Variants in TLE2 observed in about 807,000 individuals in gnomAD.
TLE2 encodes the protein TLE family member 2, transcriptional corepressor.
In TLE2, 74 loss-of-function variants were observed where a neutral mutation model predicts 97.2. The ratio of observed to expected loss-of-function variants is 0.76; its 90% CI spans 0.63 to 0.92. The LOEUF (loss-of-function observed/expected upper bound fraction) is 0.92. Among genes scored for constraint, TLE2 ranks in the 40% least tolerant of loss-of-function variants. The pLI is 0.00. For synonymous variants in TLE2, 499 were observed against 432.1 expected (o/e 1.15, Z -1.92); for missense variants, 1,038 against 1,008.7 (o/e 1.03, Z -0.39).
intron 19 of TLE2, 43 bp downstream of exon 19, chr19:3,000,604 G>A (rs988546040): frequency 2.0e-6 from 3 of 1,537,846 alleles, no homozygotes; most frequent in Non-Finnish European, 8.8e-7. Context: ...GCATACCCGG[G>A]CACATGGCCC....
chr19:3,024,538 C>T (rs1394820991), intron 5 of TLE2, among the ~76,000 whole-genome samples: 3 of 151,900 alleles, frequency 2.0e-5, no homozygotes, highest in Non-Finnish European at 4.4e-5. Flanking sequence ...GAGTGGATCA[C>T]CCAGTGTTTG....
chr19:3,025,155 A>AC, intron 4 of TLE2, 73 bp from the exon 5 acceptor site: 1 of 1,438,110 alleles, frequency 7.0e-7, no homozygotes. Flanking sequence ...TCCCAGGCGG[A>AC]CCAGGTGTTG....
chr19:3,033,277 C>T (rs1274560072), upstream of TLE2, among the ~76,000 whole-genome samples: 1 of 152,138 alleles, frequency 6.6e-6, no homozygotes, highest in African/African-American at 2.4e-5. Flanking sequence ...ACACCATTCT[C>T]CTGCCTCAGC....
chr19:3,045,755 A>G (rs1174689771), exon 1 of TLE2: 1 of 447,704 alleles, frequency 2.2e-6, no homozygotes, highest in Non-Finnish European at 4.5e-6. Flanking sequence ...GAATCTTGGG[A>G]GGCGGAGGTT....
intron 8 of TLE2, 50 bp from the exon 9 acceptor site, chr19:3,015,810 C>T (rs1186432095): frequency 7.2e-7 from 1 of 1,387,766 alleles, no homozygotes; most frequent in African/African-American, 1.4e-5. Flanking sequence ...CCCTGGGCTC[C>T]TAGATTGCAT....
chr19:3,013,228 GA>G (rs902743977), intron 11 of TLE2, among the ~76,000 whole-genome samples: 5 of 152,036 alleles, frequency 3.3e-5, no homozygotes, highest in Non-Finnish European at 5.9e-5. Context: ...AGGTCCAACT[GA>G]AAACTTGTTC....
chr19:3,034,861 C>G (rs1247982024), intron 1 of TLE2, among the ~76,000 whole-genome samples: 1 of 152,106 alleles, frequency 6.6e-6, no homozygotes, highest in African/African-American at 2.4e-5. Context: ...GACAGAGGTA[C>G]AGGGACACGT....
chr19:3,013,361 A>G (rs927787086), intron 11 of TLE2, among the ~76,000 whole-genome samples: 7 of 151,914 alleles, frequency 4.6e-5, no homozygotes, highest in African/African-American at 7.3e-5. Flanking sequence ...CTGGGCTTTC[A>G]CTATGTTTAT....
At position 3,027,859 on chromosome 19, in the gene TLE2, C is replaced by T. The variant is rs1426043925; in HGVS notation, c.201G>A (p.Ser67=). 5.6e-6 allele frequency: 9 copies of T among 1,611,248 alleles called. No individual in the cohort carries two copies. Among genetic ancestry groups the T allele is most frequent in the Admixed American group, 5.0e-5 (3 of 59,664 alleles). Residue 67 remains serine (S), a synonymous_variant, in exon 4 of 20, where the codon TCG becomes TCA. Coordinates refer to ENST00000262953, the MANE Select transcript of TLE2 (RefSeq NM_003260.5). The stretch of plus-strand genomic sequence containing the variant: ...TATGCATTTCAATGTTGAGCCCGTA[C>T]GACATCTCATAATACTGCAAAGGAA... The part of the protein sequence containing the change: ...QRHYVMYYEM[S]YGLNIEMHKQ...
intron 10 of TLE2, 31 bp from the exon 11 acceptor site, chr19:3,013,849 T>G: frequency 6.8e-7 from 1 of 1,471,366 alleles, no homozygotes; most frequent in South Asian, 1.5e-5. Context: ...TTGAGCAGAG[T>G]TGAAATGAGA....
intron 1 of TLE2, among the ~76,000 whole-genome samples, chr19:3,039,186 G>T (rs1447961055): frequency 6.7e-6 from 1 of 149,014 alleles, no homozygotes; most frequent in Non-Finnish European, 1.5e-5. Flanking sequence ...TGCACTCCAG[G>T]CTGGCCAAGA....
chr19:3,010,397 G>C (rs916911309), intron 12 of TLE2, among the ~76,000 whole-genome samples: 3 of 151,490 alleles, frequency 2.0e-5, no homozygotes, highest in African/African-American at 7.3e-5. Flanking sequence ...CAAAACCCAG[G>C]CCCAATGTCC....
At chr19:3,004,339 G>A (rs1432565029) in intron 17 of TLE2, among the ~76,000 whole-genome samples, 1 of 151,942 alleles carries the variant, frequency 6.6e-6, no homozygotes, top group Non-Finnish European at 1.5e-5. Flanking sequence ...AGAGCAGGTT[G>A]GACATAAAGA....
intron 4 of TLE2, among the ~76,000 whole-genome samples, chr19:3,026,656 T>A (rs2089950894): frequency 6.6e-6 from 1 of 150,394 alleles, no homozygotes; most frequent in Non-Finnish European, 1.5e-5. Flanking sequence ...CTCAGAACCC[T>A]GAGGTCTATC....
chr19:3,012,088 T>C (rs535920583), intron 11 of TLE2, among the ~76,000 whole-genome samples: 3 of 151,646 alleles, frequency 2.0e-5, no homozygotes, highest in African/African-American at 7.3e-5. Flanking sequence ...CTACTAAAAA[T>C]ACAAAAAATT....
chr19:3,003,879 G>A (rs534494908), intron 17 of TLE2, among the ~76,000 whole-genome samples: 22 of 152,114 alleles, frequency 1.4e-4, no homozygotes, highest in African/African-American at 5.1e-4. Flanking sequence ...GGCTAATTTT[G>A]TATTTTTGGT....
At chr19:3,031,161 G>T (rs2090021462), upstream of TLE2, among the ~76,000 whole-genome samples, 1 of 152,038 alleles carries the variant, frequency 6.6e-6, no homozygotes, top group Non-Finnish European at 1.5e-5. Context: ...GGGACTATTT[G>T]TACAGACAGA....
intron 8 of TLE2, 131 bp downstream of exon 8, chr19:3,017,709 A>G (rs977826511): frequency 3.9e-6 from 3 of 764,282 alleles, no homozygotes; most frequent in Non-Finnish European, 6.1e-6. Context: ...ACCTCTGCCT[A>G]CCAAAGTGCT....
chr19:3,002,361 G>A lies in TLE2; in HGVS notation c.2039C>T (p.Ala680Val). Residue 680 changes from alanine (A) to valine (V), a missense_variant, in exon 18 of 20, where the codon GCC becomes GTC. Physicochemically the swap from Ala to Val is moderately conservative, Grantham distance 64. Transcript: ENST00000262953. ...HESCVLSLKF[A>V]SCGRWFVSTG... is the part of the protein sequence containing the mutation. ...CGCCCCAGAAGACACACCGCAGGAGGCAAACTTCAGGGACAGCACGCAGCT... is the reference window on the plus strand; with the variant it reads ...CGCCCCAGAAGACACACCGCAGGAGACAAACTTCAGGGACAGCACGCAGCT... The A allele has an allele frequency of 6.2e-7, 1 of 1,611,498 alleles. No homozygotes were observed. Among genetic ancestry groups the A allele is most frequent in the Non-Finnish European group, 8.5e-7 (1 of 1,178,662 alleles).
Sources: gnomAD v4.1 joint callset for allele counts (sites outside exome capture counted in the v4.1 genomes callset) on GRCh38, gnomAD v4.1.1 for gene constraint, MANE v1.5 for transcripts, NCBI Gene and HGNC (gene_info 2026-07-23, HGNC 2026-07-21) for gene names.